HS3ST4: variants seen among roughly 807,000 people sequenced by gnomAD.
The protein encoded by HS3ST4 is heparan sulfate-glucosamine 3-sulfotransferase 4, also known as heparan sulfate glucosamine 3-O-sulfotransferase 4.
Under a neutral mutation model 29.2 loss-of-function variants are expected in HS3ST4, and 17 were observed. The ratio of observed to expected loss-of-function variants is 0.58; its 90% CI spans 0.40 to 0.87. The LOEUF (loss-of-function observed/expected upper bound fraction) is 0.87. Among genes scored for constraint, HS3ST4 ranks in the 40% least tolerant of loss-of-function variants. The probability of loss-of-function intolerance (pLI) is 0.00; values close to 1 mark genes in which losing one functional copy is unlikely to be tolerated. For missense variants in HS3ST4, 627 were observed against 634.5 expected (o/e 0.99, Z 0.13); for synonymous variants, 314 against 285.7 (o/e 1.10, Z -1.00).
At chr16:26,114,186 AACAC>A (rs1899171753) in intron 1 of HS3ST4, among the ~76,000 whole-genome samples, 1 of 152,126 alleles carries the variant, frequency 6.6e-6, no homozygotes, top group Non-Finnish European at 1.5e-5. Context: ...CTGTGGCTAA[AACAC>A]ACCGGGCTCC....
intron 1 of HS3ST4, among the ~76,000 whole-genome samples, chr16:25,894,942 A>G (rs1220074824): frequency 1.3e-5 from 2 of 152,256 alleles, no homozygotes; most frequent in African/African-American, 4.8e-5. Context: ...CACTTACTGC[A>G]TATCAGGCAC....
intron 1 of HS3ST4, among the ~76,000 whole-genome samples, chr16:25,982,780 A>G (rs916584288): frequency 1.3e-5 from 2 of 152,148 alleles, no homozygotes; most frequent in Non-Finnish European, 2.9e-5. Context: ...CCGTGAGCCA[A>G]GATCACACCA....
chr16:25,913,966 G>A (rs942281959), intron 1 of HS3ST4, among the ~76,000 whole-genome samples: 1 of 149,220 alleles, frequency 6.7e-6, no homozygotes, highest in Non-Finnish European at 1.5e-5. Flanking sequence ...AAGTGATGTG[G>A]TAGATGTGTA....
At chr16:25,903,369 A>ATATATGTATATGTATATCTTG (rs1400849222) in intron 1 of HS3ST4, among the ~76,000 whole-genome samples, 1 of 146,878 alleles carries the variant, frequency 6.8e-6, no homozygotes, top group Non-Finnish European at 1.5e-5. Context: ...TATATCTTAT[A>ATATATGTATATGTATATCTTG]TATATATATA....
chr16:25,918,140 TG>T (rs901787853), intron 1 of HS3ST4, among the ~76,000 whole-genome samples: 2 of 152,234 alleles, frequency 1.3e-5, no homozygotes, highest in Non-Finnish European at 2.9e-5. Context: ...CAGTAGGTCT[TG>T]GTGATACAAA....
intron 1 of HS3ST4, among the ~76,000 whole-genome samples, chr16:25,742,649 T>G (rs1356416243): frequency 4.6e-5 from 7 of 152,220 alleles, no homozygotes; most frequent in Non-Finnish European, 1.0e-4. Flanking sequence ...TCAGTCAGCC[T>G]TTTGAAAGTG....
intron 1 of HS3ST4, among the ~76,000 whole-genome samples, chr16:25,734,753 A>G (rs1966595527): frequency 6.6e-6 from 1 of 152,164 alleles, no homozygotes; most frequent in Non-Finnish European, 1.5e-5. Flanking sequence ...TGTGACACAG[A>G]TGTATTCCAA....
chr16:25,910,736 A>G (rs1473590943), intron 1 of HS3ST4, among the ~76,000 whole-genome samples: 1 of 152,182 alleles, frequency 6.6e-6, no homozygotes, highest in Non-Finnish European at 1.5e-5. Flanking sequence ...TTTCCACTGA[A>G]ATTCCACCTA....
At chr16:25,805,888 T>A (rs1260789085) in intron 1 of HS3ST4, among the ~76,000 whole-genome samples, 2 of 152,030 alleles carry the variant, frequency 1.3e-5, no homozygotes, top group African/African-American at 2.4e-5. Flanking sequence ...CCATTGTGTG[T>A]TTTTCCCCTT....
chr16:25,896,597 G>T (rs947581335), intron 1 of HS3ST4, among the ~76,000 whole-genome samples: 3 of 152,124 alleles, frequency 2.0e-5, no homozygotes, highest in African/African-American at 4.8e-5. Flanking sequence ...ATTTCTCAAA[G>T]AACTGAGTTG....
chr16:26,008,620 A>G (rs1969280809), intron 1 of HS3ST4, among the ~76,000 whole-genome samples: 1 of 152,174 alleles, frequency 6.6e-6, no homozygotes, highest in Non-Finnish European at 1.5e-5. Context: ...GGAGTTCAAG[A>G]CCAGCCTGAC....
At chr16:25,983,196 C>G (rs187137527) in intron 1 of HS3ST4, among the ~76,000 whole-genome samples, 124 of 152,300 alleles carry the variant, frequency 8.1e-4, no homozygotes, top group Non-Finnish European at 1.5e-3. Flanking sequence ...CAGCCTTTTT[C>G]TTCTGGCTCA....
intron 1 of HS3ST4, among the ~76,000 whole-genome samples, chr16:25,796,779 C>A (rs911633292): frequency 1.3e-5 from 2 of 152,170 alleles, no homozygotes; most frequent in Admixed American, 1.3e-4. Context: ...GGTTTGCAGT[C>A]ATATTTAGAC....
intron 1 of HS3ST4, among the ~76,000 whole-genome samples, chr16:25,801,355 T>C (rs1966932248): frequency 6.6e-6 from 1 of 152,220 alleles, no homozygotes; most frequent in Non-Finnish European, 1.5e-5. Context: ...TTTTTAATAT[T>C]ATTATGATAG....
chr16:25,723,110 T>A (rs1025692352), intron 1 of HS3ST4, among the ~76,000 whole-genome samples: 1 of 152,238 alleles, frequency 6.6e-6, no homozygotes, highest in Non-Finnish European at 1.5e-5. Flanking sequence ...ATCACCCTTA[T>A]GATTCAGTTA....
At chr16:26,034,175 CA>C (rs1410033728) in intron 1 of HS3ST4, among the ~76,000 whole-genome samples, 1 of 152,090 alleles carries the variant, frequency 6.6e-6, no homozygotes, top group Admixed American at 6.6e-5. Context: ...GGAAGGAGGA[CA>C]GAGCAAGGGA....
chr16:26,028,939 C>G (rs1196242591), intron 1 of HS3ST4: 1 of 152,232 alleles, frequency 6.6e-6, no homozygotes, highest in Non-Finnish European at 1.5e-5. Flanking sequence ...CCTGAACATA[C>G]CCGATCTCGT....
At chr16:25,908,532 G>A (rs186072454) in intron 1 of HS3ST4, among the ~76,000 whole-genome samples, 2 of 152,250 alleles carry the variant, frequency 1.3e-5, no homozygotes, top group Admixed American at 1.3e-4. Context: ...TCACCCTAAA[G>A]GTGAGGTCGA....
chr16:25,995,013 C>T (rs1412554578), intron 1 of HS3ST4, among the ~76,000 whole-genome samples: 1 of 152,146 alleles, frequency 6.6e-6, no homozygotes, highest in East Asian at 1.9e-4. Context: ...AAACTTATTT[C>T]CATCAATGTC....
Sources: gnomAD v4.1 joint callset for allele counts (sites outside exome capture counted in the v4.1 genomes callset) on GRCh38, gnomAD v4.1.1 for gene constraint, MANE v1.5 for transcripts, NCBI Gene and HGNC (gene_info 2026-07-23, HGNC 2026-07-21) for gene names.